The following MMP16 variants were observed in gnomAD, a reference collection of about 807,000 sequenced individuals.
MMP16 encodes matrix metalloproteinase-16.
MMP16 carries 12 observed loss-of-function variants against 67.8 expected under a neutral mutation model. The ratio of observed to expected loss-of-function variants is 0.18; its 90% confidence interval spans 0.11 to 0.29. MMP16 has a LOEUF of 0.29. Among genes scored for constraint, MMP16 ranks in the 10% least tolerant of loss-of-function variants. MMP16 has a pLI of 1.00. For synonymous variants in MMP16, 249 were observed against 255.9 expected (o/e 0.97, Z 0.26); for missense variants, 475 against 765.7 (o/e 0.62, Z 4.48).
chr8:88,276,431 T>C (rs28904574), intron 1 of MMP16, among the ~76,000 whole-genome samples: 15,754 of 152,204 alleles, frequency 0.1, 978 homozygotes, highest in South Asian at 0.18. Context: ...AAATAAGATA[T>C]GAAAGTAATT....
intron 6 of MMP16, among the ~76,000 whole-genome samples, chr8:88,103,716 T>C (rs1351687239): frequency 6.6e-6 from 1 of 151,826 alleles, no homozygotes; most frequent in African/African-American, 2.4e-5. Context: ...TCTCACATGA[T>C]ATAATTTAAC....
chr8:88,123,248 G>A (rs1807869963), intron 4 of MMP16, among the ~76,000 whole-genome samples: 1 of 151,954 alleles, frequency 6.6e-6, no homozygotes, highest in African/African-American at 2.4e-5. Context: ...AAGCATGTGA[G>A]TGTTTATACA....
chr8:88,164,001 T>C (rs1376300453), intron 4 of MMP16, among the ~76,000 whole-genome samples: 1 of 152,112 alleles, frequency 6.6e-6, no homozygotes, highest in Non-Finnish European at 1.5e-5. Flanking sequence ...TAATGGTCTT[T>C]AGCTAGAATT....
At chr8:88,062,076 A>G (rs992021431) in intron 7 of MMP16, among the ~76,000 whole-genome samples, 5 of 152,138 alleles carry the variant, frequency 3.3e-5, no homozygotes, top group African/African-American at 7.2e-5. Context: ...ATTCATGGAA[A>G]TAACTCAATA....
intron 4 of MMP16, among the ~76,000 whole-genome samples, chr8:88,149,132 C>A (rs199654646): frequency 2.6e-5 from 4 of 152,188 alleles, no homozygotes; most frequent in South Asian, 4.1e-4. Context: ...CACTCCCACC[C>A]GAATATTGCG....
chr8:88,060,291 A>C (rs1041977904), intron 7 of MMP16, among the ~76,000 whole-genome samples: 4 of 152,082 alleles, frequency 2.6e-5, no homozygotes, highest in Non-Finnish European at 4.4e-5. Context: ...ACTTAAGAGA[A>C]ACCTGTGTAT....
At chr8:88,256,720 A>T (rs1216096794) in intron 1 of MMP16, among the ~76,000 whole-genome samples, 1 of 150,178 alleles carries the variant, frequency 6.7e-6, no homozygotes, top group Non-Finnish European at 1.5e-5. Context: ...CACACCATCC[A>T]TCAGGGGAAC....
At chr8:88,240,434 G>C (rs1810016206) in intron 1 of MMP16, among the ~76,000 whole-genome samples, 1 of 152,158 alleles carries the variant, frequency 6.6e-6, no homozygotes, top group South Asian at 2.1e-4. Flanking sequence ...AAAACAGTGT[G>C]TCAGGAGAGC....
chr8:88,298,174 C>T (rs373821158), intron 1 of MMP16, among the ~76,000 whole-genome samples: 2 of 152,038 alleles, frequency 1.3e-5, no homozygotes, highest in African/African-American at 4.8e-5. Context: ...TAAGAAAATA[C>T]AAGGAAAAAT....
intron 7 of MMP16, among the ~76,000 whole-genome samples, chr8:88,066,640 T>G (rs1808467082): frequency 6.8e-6 from 1 of 147,970 alleles, no homozygotes; most frequent in African/African-American, 2.7e-5. Context: ...ACACTCTCAC[T>G]CAACAGCAAG....
chr8:88,135,090 T>C (rs887672081), intron 4 of MMP16, among the ~76,000 whole-genome samples: 2 of 151,790 alleles, frequency 1.3e-5, no homozygotes, highest in Admixed American at 1.3e-4. Context: ...TAAAGCTCTT[T>C]TTATTAATCT....
rs187229466 is a variant in MMP16, at chr8:88,167,272, C to A, written c.709+397G>T. On this transcript the variant is annotated intron_variant, in intron 4 of 9. Transcript: ENST00000286614. The stretch of plus-strand genomic sequence containing the variant: ...TAGAAAAGATATAGTAGAAGCCAGA[C>A]TGCAGATGCTAATCCGGATTAAATT... Among the ~76,000 whole-genome samples the A allele has an allele frequency of 3.1e-3, 469 of 152,058 alleles. 1 individual carries two copies. Among genetic ancestry groups the A allele is most frequent in the South Asian group, 0.015 (73 of 4,818 alleles).
At chr8:88,192,294 T>G (rs1809181596) in intron 2 of MMP16, among the ~76,000 whole-genome samples, 1 of 152,160 alleles carries the variant, frequency 6.6e-6, no homozygotes, top group South Asian at 2.1e-4. Context: ...ACAGACTCAT[T>G]AACTGCCTGT....
At chr8:88,142,871 A>G (rs755550677) in intron 4 of MMP16, among the ~76,000 whole-genome samples, 65 of 152,318 alleles carry the variant, frequency 4.3e-4, no homozygotes, top group Non-Finnish European at 9.0e-4. Flanking sequence ...ATACAGAAGA[A>G]TTAATTCTCG....
chr8:88,177,215 G>A (rs954856473), intron 3 of MMP16, among the ~76,000 whole-genome samples: 9 of 152,048 alleles, frequency 5.9e-5, no homozygotes, highest in African/African-American at 1.7e-4. Flanking sequence ...TATATATTTC[G>A]TATGTTGGTT....
chr8:88,158,892 A>G (rs977180774), intron 4 of MMP16, among the ~76,000 whole-genome samples: 81 of 152,320 alleles, frequency 5.3e-4, no homozygotes, highest in African/African-American at 1.8e-3. Context: ...ACGGCTAGCC[A>G]GTTTTCCCAG....
chr8:88,168,142 A>T (rs1808743019), intron 3 of MMP16, among the ~76,000 whole-genome samples, 169 bp from the exon 4 acceptor site: 1 of 152,166 alleles, frequency 6.6e-6, no homozygotes, highest in East Asian at 1.9e-4. Context: ...CACTGCAATC[A>T]TTTAATTTTC....
At chr8:88,181,448 G>A (rs1489215044) in intron 3 of MMP16, among the ~76,000 whole-genome samples, 1 of 151,674 alleles carries the variant, frequency 6.6e-6, no homozygotes, top group Non-Finnish European at 1.5e-5. Context: ...CACCAGAAAA[G>A]TAAAATACTT....
At chr8:88,232,090 C>T (rs1220716647) in intron 1 of MMP16, among the ~76,000 whole-genome samples, 1 of 152,034 alleles carries the variant, frequency 6.6e-6, no homozygotes, top group African/African-American at 2.4e-5. Context: ...ACATTTACTT[C>T]CAGATTCTTT....
Sources: allele counts gnomAD v4.1 joint callset (sites outside exome capture counted in the v4.1 genomes callset), GRCh38; gene constraint gnomAD v4.1.1; transcripts MANE v1.5; gene names NCBI Gene and HGNC (gene_info 2026-07-23, HGNC 2026-07-21).